Variants in RSRC2 observed in about 807,000 individuals in gnomAD.
The protein encoded by RSRC2 is arginine/serine-rich coiled-coil protein 2.
RSRC2 carries 5 observed loss-of-function variants against 61.3 expected under a neutral mutation model. The observed-to-expected ratio is 0.08, with a 90% CI of 0.04 to 0.17. RSRC2 has a LOEUF of 0.17. Ranked by LOEUF, RSRC2 falls within the 10% of genes least tolerant of loss-of-function variation. The pLI, the probability that RSRC2 is intolerant of heterozygous loss-of-function variation, is 1.00. For missense variants in RSRC2, 381 were observed against 518.8 expected (o/e 0.73, Z 2.58); for synonymous variants, 202 against 166.5 (o/e 1.21, Z -1.64).
At chr12:122,515,525 C>G (rs1322119945) in intron 5 of RSRC2, among the ~76,000 whole-genome samples, 1 of 152,162 alleles carries the variant, frequency 6.6e-6, no homozygotes, top group Admixed American at 6.5e-5. Flanking sequence ...CCGCATCTGG[C>G]TGTTTCCAAT....
At chr12:122,507,311 G>C (rs572040744) in intron 8 of RSRC2, 1 of 240,004 alleles carries the variant, frequency 4.2e-6, no homozygotes, top group African/African-American at 2.3e-5. Context: ...GAACCTGGGA[G>C]GCAGAGGTTG....
chr12:122,517,075 G>T, intron 5 of RSRC2, 152 bp downstream of exon 5: 1 of 1,103,656 alleles, frequency 9.1e-7, no homozygotes, highest in Non-Finnish European at 1.3e-6. Context: ...GTGGTTAGGT[G>T]TGTTCTTCAT....
intron 3 of RSRC2, chr12:122,520,612 A>G: frequency 1.5e-6 from 2 of 1,321,446 alleles, no homozygotes; most frequent in Non-Finnish European, 2.0e-6. Flanking sequence ...AAATGTTATC[A>G]TGTGAGCTAA....
chr12:122,515,175 G>C lies in RSRC2; in HGVS notation c.655C>G (p.Arg219Gly). ...CTGAAGGGAGGTGGACTTGGAGTCC[G>C]GCTTAAACTTCTGCTAAATCTTCTC... ...KPRRFSRSLSRTPSPPPFRGR... is the reference protein window; with the variant it reads ...KPRRFSRSLSGTPSPPPFRGR... The change falls in exon 6 of 10, where the codon CGG becomes GGG. Residue 219 changes from arginine (R) to glycine (G), a missense_variant. By Grantham distance (125) the Arg-to-Gly change is moderately radical. Transcript: ENST00000331738. The C allele has an allele frequency of 6.2e-7, 1 of 1,613,964 alleles. No homozygotes were observed. The highest frequency in any genetic ancestry group is 2.2e-5 in the East Asian group (1 of 44,880).
chr12:122,519,740 A>G (rs573480597), intron 3 of RSRC2: 6 of 152,630 alleles, frequency 3.9e-5, no homozygotes, highest in African/African-American at 1.2e-4. Context: ...ATGCCATCAC[A>G]CAATACATAC....
chr12:122,520,589 T>C (rs1217575758), intron 3 of RSRC2: 4 of 1,363,284 alleles, frequency 2.9e-6, no homozygotes, highest in African/African-American at 1.5e-5. Context: ...ACGCTGAGTA[T>C]GATTTATTAT....
At chr12:122,524,047 T>A (rs1593427889) in intron 1 of RSRC2, among the ~76,000 whole-genome samples, 1 of 152,212 alleles carries the variant, frequency 6.6e-6, no homozygotes, top group Non-Finnish European at 1.5e-5. Flanking sequence ...TCTGGGTGAC[T>A]TCTGGAACCA....
At chr12:122,526,761 C>T in intron 1 of RSRC2, 87 bp downstream of exon 1, 5 of 1,497,340 alleles carry the variant, frequency 3.3e-6, no homozygotes, top group Non-Finnish European at 4.7e-6. Flanking sequence ...CACACATACA[C>T]ACGAACAAGG....
chr12:122,524,164 C>T (rs1238202732), intron 1 of RSRC2, among the ~76,000 whole-genome samples: 1 of 152,198 alleles, frequency 6.6e-6, no homozygotes, highest in Non-Finnish European at 1.5e-5. Context: ...AATGATACTG[C>T]ATCTCCGTAT....
intron 5 of RSRC2, among the ~76,000 whole-genome samples, chr12:122,516,647 GTTAT>G (rs1199437579): frequency 6.6e-6 from 1 of 152,160 alleles, no homozygotes; most frequent in Non-Finnish European, 1.5e-5. Context: ...GGAGATTTTA[GTTAT>G]TTGTGATAAT....
At chr12:122,510,773 G>A (rs566731626) in intron 7 of RSRC2, among the ~76,000 whole-genome samples, 30 of 152,292 alleles carry the variant, frequency 2.0e-4, no homozygotes, top group African/African-American at 7.0e-4. Flanking sequence ...TAGGCTGGGT[G>A]CAGTGGCTCA....
chr12:122,525,661 C>T (rs1180205787), intron 1 of RSRC2, among the ~76,000 whole-genome samples: 2 of 152,142 alleles, frequency 1.3e-5, no homozygotes, highest in African/African-American at 4.8e-5. Flanking sequence ...AAAATCTTTA[C>T]ATTTTCCTTT....
chr12:122,526,306 T>A (rs902378162), intron 1 of RSRC2: 3 of 153,092 alleles, frequency 2.0e-5, no homozygotes, highest in African/African-American at 4.8e-5. Context: ...AGCTCGTTAA[T>A]ACACAATAAT....
At chr12:122,523,147 T>A (rs1959480101) in intron 1 of RSRC2, 4 of 152,232 alleles carry the variant, frequency 2.6e-5, no homozygotes, top group Non-Finnish European at 5.9e-5. Context: ...TTTTTACGTT[T>A]TTTAAAACTA....
chr12:122,515,607 A>G (rs745372096), intron 5 of RSRC2, among the ~76,000 whole-genome samples: 14 of 152,350 alleles, frequency 9.2e-5, no homozygotes, highest in Non-Finnish European at 1.5e-4. Flanking sequence ...TTGTAGGTCA[A>G]TATGTATACC....
At chr12:122,512,901 G>C (rs1368703920) in intron 6 of RSRC2, among the ~76,000 whole-genome samples, 1 of 152,058 alleles carries the variant, frequency 6.6e-6, no homozygotes, top group Non-Finnish European at 1.5e-5. Flanking sequence ...ACAATAAAAT[G>C]TAGGTCGCAG....
intron 7 of RSRC2, among the ~76,000 whole-genome samples, chr12:122,509,393 T>A (rs894324255): frequency 2.0e-5 from 3 of 151,512 alleles, no homozygotes; most frequent in Non-Finnish European, 4.4e-5. Context: ...GAGGTTGTTG[T>A]GAGTCAGGAT....
chr12:122,504,464 C>A lies in RSRC2; in HGVS notation c.*1063G>T, dbSNP rs572979860. On this transcript the variant is annotated 3_prime_UTR_variant, in exon 10 of 10. Transcript: ENST00000331738. ...CCAACATGGTAAAACCCCACCTCTA[C>A]TAAAAATACAAAAATTAGCTGGGTG... 1 of 152,248 alleles carries A rather than the reference C, an allele frequency of 6.6e-6. No individual in the cohort carries two copies. Among genetic ancestry groups the A allele is most frequent in the South Asian group, 2.1e-4 (1 of 4,828 alleles). 9.4% of individuals were successfully genotyped at this position (152,248 alleles called of 1,614,324 possible). A position where few individuals can be genotyped will look rare whatever the true frequency, so the allele number is the denominator to read the frequency against.
rs748919268 is a variant in RSRC2, at chr12:122,505,591, G to C, written c.1241C>G (p.Thr414Ser). 1 of 1,614,064 alleles carries C rather than the reference G, an allele frequency of 6.2e-7. No homozygotes were observed. The change falls in exon 10 of 10, where the codon ACC becomes AGC. Residue 414 changes from threonine to serine, a missense_variant. Thr to Ser is a moderately conservative substitution (Grantham distance 58, BLOSUM62 1). This residue lies in a region of RSRC2 where 78 missense variants were observed against 183.0 expected (regional missense o/e 0.43). Coordinates refer to ENST00000331738, the MANE Select transcript of RSRC2 (RefSeq NM_023012.6). ...CAAACCCATTCCTCTTTGTGTGTGG[G>C]TTTGTGATCTTGCCATTTCATACTG... ...DAQYEMARSQ[T>S]HTQRGMGLGF...
Sources: allele counts gnomAD v4.1 joint callset (sites outside exome capture counted in the v4.1 genomes callset), GRCh38; gene constraint gnomAD v4.1.1; regional missense constraint gnomAD v4.1.1; transcripts MANE v1.5; gene names NCBI Gene and HGNC (gene_info 2026-07-23, HGNC 2026-07-21).